ZNF541: variants seen among roughly 807,000 people sequenced by gnomAD.
ZNF541 encodes zinc finger protein 541.
ZNF541 carries 23 observed loss-of-function variants against 123.5 expected under a neutral mutation model. The observed-to-expected ratio is 0.19, with a 90% CI of 0.13 to 0.26. ZNF541 has a LOEUF of 0.26. ZNF541 is among the 10% of genes least tolerant of loss of function. The pLI is 1.00. For missense variants in ZNF541, 1,612 were observed against 1,789.9 expected, an observed-to-expected ratio of 0.90 and a Z score of 1.79; for synonymous variants, 751 against 754.5, an observed-to-expected ratio of 1.00 and a Z score of 0.08.
chr19:47,567,182 C>T (rs1023801670), intron 2 of ZNF541, among the ~76,000 whole-genome samples: 1 of 152,110 alleles, frequency 6.6e-6, no homozygotes, highest in Admixed American at 6.5e-5. Context: ...CAGTCTTTAG[C>T]CACATACACA....
In ZNF541 at chr19:47,545,111, G is replaced by A. The variant is rs982033378; in HGVS notation, c.1418C>T (p.Pro473Leu). ...GACCCTGAGGAGCGCGGCAGGGAAG[G>A]GCAGAGCATCCTCCAGGCCACCGCC... ...GPGGGLEDAL[P>L]FPAALLRVPA... Residue 473 changes from proline (P) to leucine (L), a missense_variant, in exon 5 of 17, where the codon CCC (proline) becomes CTC (leucine). Coordinates refer to ENST00000391901, the MANE Select transcript of ZNF541 (RefSeq NM_001277075.3). The surrounding 1 kb of genome is among the most constrained non-coding windows in gnomAD (Gnocchi z 7.5). The A allele has an allele frequency of 1.7e-5, 25 of 1,482,224 alleles. No individual in the cohort carries two copies. Among genetic ancestry groups the A allele is most frequent in the Non-Finnish European group, 2.1e-5 (23 of 1,119,156 alleles). 91.8% of individuals were successfully genotyped at this position (1,482,224 alleles called of 1,614,324 possible).
Position 47,545,175 on chromosome 19 carries a change from T to A in ZNF541, c.1354A>T (p.Ser452Cys), listed in dbSNP as rs1192817061. 11 of 1,502,464 alleles carry A rather than the reference T, an allele frequency of 7.3e-6. No individual in the cohort carries two copies. Among genetic ancestry groups the A allele is most frequent in the Non-Finnish European group, 9.8e-6 (11 of 1,123,994 alleles). 93.1% of individuals were successfully genotyped at this position (1,502,464 alleles called of 1,614,324 possible). The change falls in exon 5 of 17, where the codon AGC becomes TGC. Residue 452 changes from serine (S) to cysteine (C), a missense_variant. Coordinates refer to ENST00000391901, the MANE Select transcript of ZNF541 (RefSeq NM_001277075.3). This position sits in a 1 kb window ranked among gnomAD's most constrained non-coding sequence, Gnocchi z 7.5. ...REGSESGPGP[S>C]SGSPSEESPP... is the part of the protein sequence containing the mutation. Reference sequence around the variant, plus strand: ...GACTCCTCCGAGGGGCTTCCGCTGCTGGGTCCCGGGCCAGACTCGGAGCCC... The same window carrying A: ...GACTCCTCCGAGGGGCTTCCGCTGCAGGGTCCCGGGCCAGACTCGGAGCCC...
chr19:47,527,561 A>G (rs960811006), intron 14 of ZNF541, among the ~76,000 whole-genome samples: 2 of 151,714 alleles, frequency 1.3e-5, no homozygotes. Context: ...ATGCTAGGCT[A>G]GTTTTTAACT....
At chr19:47,543,963 T>C (rs531813806) in intron 5 of ZNF541, among the ~76,000 whole-genome samples, 163 bp downstream of exon 5, 3 of 152,290 alleles carry the variant, frequency 2.0e-5, no homozygotes, top group African/African-American at 7.2e-5. Flanking sequence ...TCTGGTCTTT[T>C]TTTTTTTAGT....
intron 9 of ZNF541, among the ~76,000 whole-genome samples, chr19:47,535,908 G>A (rs1361553090): frequency 1.3e-5 from 2 of 152,008 alleles, no homozygotes; most frequent in South Asian, 2.1e-4. Flanking sequence ...GGAAATCAGG[G>A]GTCTCACAGC....
At chr19:47,563,183 T>C (rs1217414212) in intron 2 of ZNF541, among the ~76,000 whole-genome samples, 1 of 152,192 alleles carries the variant, frequency 6.6e-6, no homozygotes. Flanking sequence ...AGGTACGTAA[T>C]CCCATATACA....
intron 14 of ZNF541, among the ~76,000 whole-genome samples, 199 bp from the exon 15 acceptor site, chr19:47,522,193 T>C (rs1408791164): frequency 2.0e-5 from 3 of 152,184 alleles, no homozygotes; most frequent in Non-Finnish European, 2.9e-5. Flanking sequence ...AGCCACATAG[T>C]AGCCACCAGT....
At chr19:47,539,948 C>CAA (rs1407684363) in intron 7 of ZNF541, 70 bp from the exon 8 acceptor site, 1 of 1,499,408 alleles carries the variant, frequency 6.7e-7, no homozygotes, top group Non-Finnish European at 8.8e-7. Flanking sequence ...GCTGCTTCAG[C>CAA]AAAAAAAGCT....
At chr19:47,533,522 T>A (rs1401980108) in intron 9 of ZNF541, among the ~76,000 whole-genome samples, 1 of 151,578 alleles carries the variant, frequency 6.6e-6, no homozygotes, top group African/African-American at 2.4e-5. Flanking sequence ...CTAAGGTCAT[T>A]CAGCACTTGG....
At chr19:47,568,489 A>G (rs1260169066) in intron 2 of ZNF541, among the ~76,000 whole-genome samples, 1 of 151,798 alleles carries the variant, frequency 6.6e-6, no homozygotes, top group Non-Finnish European at 1.5e-5. Context: ...GTTTACAAGC[A>G]TGTGCCACCA....
intron 11 of ZNF541, 117 bp downstream of exon 11, chr19:47,532,011 C>T: frequency 7.2e-7 from 1 of 1,379,484 alleles, no homozygotes; most frequent in East Asian, 2.5e-5. Context: ...CCCTCCCACG[C>T]CCAGGGGACA....
chr19:47,531,595 AC>A (rs1267027486), intron 12 of ZNF541, 46 bp downstream of exon 12: 2 of 1,450,962 alleles, frequency 1.4e-6, no homozygotes, highest in South Asian at 2.6e-5. Context: ...TGCACCTAGA[AC>A]CCTGGGCCCC....
intron 8 of ZNF541, 116 bp from the exon 9 acceptor site, chr19:47,538,555 T>C (rs763246757): frequency 1.1e-4 from 127 of 1,143,550 alleles, no homozygotes; most frequent in Non-Finnish European, 1.4e-4. Context: ...AACTAGGAAA[T>C]GCACGCCCGG....
intron 3 of ZNF541, among the ~76,000 whole-genome samples, chr19:47,551,227 A>T (rs2123234679): frequency 6.6e-6 from 1 of 152,120 alleles, no homozygotes; most frequent in African/African-American, 2.4e-5. Flanking sequence ...TTTAGTAGAG[A>T]TGGGGTTTCA....
Position 47,538,293 on chromosome 19 carries a change from C to T in ZNF541, c.2943G>A (p.Val981=). ...QSRLRSPMFL[V]DCLLKGLFQC... ...GGAATAAGCCCTTCAGGAGGCAGTC[C>T]ACCAGGAACATGGGTGACCGCAGGC... is the stretch of plus-strand genomic sequence containing the variant. The change falls in exon 9 of 17, where the codon GTG becomes GTA. Residue 981 remains valine, a synonymous_variant. Coordinates refer to ENST00000391901, the MANE Select transcript of ZNF541 (RefSeq NM_001277075.3). 1 of 1,550,070 alleles carries T rather than the reference C, an allele frequency of 6.5e-7. No individual in the cohort carries two copies. Among genetic ancestry groups the T allele is most frequent in the Non-Finnish European group, 8.7e-7 (1 of 1,146,036 alleles).
At chr19:47,565,587 A>G (rs1406609093) in intron 2 of ZNF541, among the ~76,000 whole-genome samples, 1 of 152,144 alleles carries the variant, frequency 6.6e-6, no homozygotes, top group Non-Finnish European at 1.5e-5. Context: ...GGGATGGGAG[A>G]ATTGAGACCT....
In ZNF541 at chr19:47,568,756, T is replaced by G. The variant is rs575502923; in HGVS notation, c.-99+3140A>C. Among the ~76,000 whole-genome samples the G allele has an allele frequency of 1.1e-4, 16 of 152,266 alleles. No homozygotes were observed. The East Asian group carries it at 2.1e-3, about 20-fold the overall frequency. On this transcript the variant is annotated intron_variant, in intron 2 of 16. Transcript: ENST00000391901. ...GGCGTGGCCTTGGCTCATTGCAACC[T>G]CCGCCTCCTGGGTTCAAGTGATTTT... is the stretch of plus-strand genomic sequence containing the variant.
In ZNF541 at chr19:47,545,667, G is replaced by A. The variant is rs1308410624; in HGVS notation, c.862C>T (p.Pro288Ser). Reference sequence around the variant, plus strand: ...CCCGCCGGGGCTGGGCCAGGAGAAGGGGTCTTCTGGTGGACGATGCTACTC... The same window carrying A: ...CCCGCCGGGGCTGGGCCAGGAGAAGAGGTCTTCTGGTGGACGATGCTACTC... ...IVSSIVHQKT[P>S]SPGPAPAGAS... is the part of the protein sequence containing the mutation. The change falls in exon 5 of 17, where the codon CCT (proline) becomes TCT (serine). Residue 288 changes from proline to serine, a missense_variant. By Grantham distance (74) the Pro-to-Ser change is moderately conservative. Coordinates refer to ENST00000391901, the MANE Select transcript of ZNF541 (RefSeq NM_001277075.3). This position sits in a 1 kb window ranked among gnomAD's most constrained non-coding sequence, Gnocchi z 7.5. 3.2e-6 allele frequency: 5 copies of A among 1,549,362 alleles called. No homozygotes were observed. In the Admixed American group the frequency reaches 7.8e-5, roughly 24 times the overall value.
chr19:47,538,106 C>T lies in ZNF541; in HGVS notation c.3094+36G>A, dbSNP rs772800300. 3 of 1,547,996 alleles carry T rather than the reference C, an allele frequency of 1.9e-6. No homozygotes were observed. The South Asian group carries it at 3.6e-5, about 18-fold the overall frequency. On this transcript the variant is annotated intron_variant, in intron 9 of 16. Coordinates refer to ENST00000391901, the MANE Select transcript of ZNF541 (RefSeq NM_001277075.3). Reference sequence around the variant, plus strand: ...GGCTGTGGTCCGCAGGCAATCCACCCTGGGATCACAGAGTGAGTGCCCCAG... The same window carrying T: ...GGCTGTGGTCCGCAGGCAATCCACCTTGGGATCACAGAGTGAGTGCCCCAG...
Sources: allele counts gnomAD v4.1 joint callset (sites outside exome capture counted in the v4.1 genomes callset), GRCh38; gene constraint gnomAD v4.1.1; non-coding constraint Gnocchi (gnomAD v3.1); transcripts MANE v1.5; gene names NCBI Gene and HGNC (gene_info 2026-07-23, HGNC 2026-07-21).